The following METAP1D variants were observed in gnomAD, a reference collection of about 807,000 sequenced individuals.
METAP1D encodes methionyl aminopeptidase type 1D, mitochondrial, also known as methionine aminopeptidase 1D, mitochondrial.
METAP1D carries 31 observed loss-of-function variants against 40.5 expected under a neutral mutation model. The observed-to-expected ratio is 0.77, with a 90% CI of 0.58 to 1.03. The LOEUF is 1.03. METAP1D is among the 50% of genes least tolerant of loss of function. METAP1D has a pLI of 0.00. For synonymous variants in METAP1D, 151 were observed against 146.4 expected, an observed-to-expected ratio of 1.03 and a Z score of -0.22; for missense variants, 411 against 420.7, an observed-to-expected ratio of 0.98 and a Z score of 0.20.
rs189774169 is a variant in METAP1D at position 172,036,278 on chromosome 2, T to C, written c.41-25220T>C. The stretch of plus-strand genomic sequence containing the variant: ...CTTGCAGAGAGCCGAGATCGCGCCA[T>C]TGCACTCCAGCCTGGGCGACAGAGC... On this transcript the variant is annotated intron_variant, in intron 1 of 9. Transcript: ENST00000315796. Among the ~76,000 whole-genome samples the C allele has an allele frequency of 2.2e-3, 320 of 148,576 alleles. 1 individual carries two copies. Among genetic ancestry groups the C allele is most frequent in the Middle Eastern group, 3.5e-3 (1 of 286 alleles).
intron 1 of METAP1D, among the ~76,000 whole-genome samples, chr2:172,054,079 C>T (rs1689945383): frequency 6.6e-6 from 1 of 152,090 alleles, no homozygotes; most frequent in South Asian, 2.1e-4. Flanking sequence ...AGTAAAGGTG[C>T]ACATGAAAAC....
chr2:172,005,254 A>G (rs920488667), intron 1 of METAP1D, among the ~76,000 whole-genome samples: 1 of 151,756 alleles, frequency 6.6e-6, no homozygotes, highest in African/African-American at 2.4e-5. Context: ...ATTTTAGTGC[A>G]CCCATCACCC....
chr2:172,080,777 G>C lies in METAP1D; in HGVS notation c.*371G>C. 1 of 338,156 alleles carries C rather than the reference G, an allele frequency of 3.0e-6. No individual in the cohort carries two copies. Among genetic ancestry groups the C allele is most frequent in the Non-Finnish European group, 5.5e-6 (1 of 181,192 alleles). 20.9% of individuals were successfully genotyped at this position (338,156 alleles called of 1,614,324 possible). On this transcript the variant is annotated 3_prime_UTR_variant, in exon 10 of 10. Coordinates refer to ENST00000315796, the MANE Select transcript of METAP1D (RefSeq NM_199227.3). ...ACCTCTTAAATCCATTGTATCAGAG[G>C]TCCTTACCTCTCTGACAGTTACAGT...
At chr2:172,076,653 C>G (rs969176850) in intron 6 of METAP1D, among the ~76,000 whole-genome samples, 12 of 152,228 alleles carry the variant, frequency 7.9e-5, no homozygotes, top group Non-Finnish European at 1.5e-5. Flanking sequence ...AGCTGTCTTA[C>G]AAGTCTGGGG....
At position 172,070,911 on chromosome 2, in the gene METAP1D, A is replaced by G. The variant is rs1196822730; in HGVS notation, c.545A>G (p.Tyr182Cys). ...GDIINIDVTV[Y>C]YNGYHGDTSE... is the part of the protein sequence containing the mutation. ...TAAATTTCTGCTTATGTTTAGGTCT[A>G]TTACAATGGCTACCATGGAGACACC... Residue 182 changes from tyrosine to cysteine, a missense_variant, in exon 6 of 10, where the codon TAT becomes TGT. Physicochemically the swap from Tyr to Cys is radical, Grantham distance 194. Transcript: ENST00000315796. The G allele has an allele frequency of 6.2e-6, 10 of 1,608,344 alleles. No homozygotes were observed. Among genetic ancestry groups the G allele is most frequent in the South Asian group, 1.1e-5 (1 of 90,112 alleles).
At chr2:172,021,962 C>A (rs528984947) in intron 1 of METAP1D, 1 of 152,340 alleles carries the variant, frequency 6.6e-6, no homozygotes, top group South Asian at 2.1e-4. Context: ...GTTCTTTCAA[C>A]TTTGTAGTTT....
intron 1 of METAP1D, among the ~76,000 whole-genome samples, chr2:172,041,286 C>A (rs1689515636): frequency 6.6e-6 from 1 of 150,762 alleles, no homozygotes; most frequent in Non-Finnish European, 1.5e-5. Flanking sequence ...TGGTGAATCC[C>A]TGTCTCTACT....
At chr2:172,033,548 G>GTT (rs1246892811) in intron 1 of METAP1D, among the ~76,000 whole-genome samples, 1 of 151,804 alleles carries the variant, frequency 6.6e-6, no homozygotes, top group Non-Finnish European at 1.5e-5. Flanking sequence ...GAGAGGCAAG[G>GTT]TTTCACTACG....
At chr2:172,005,442 C>T (rs777979673) in intron 1 of METAP1D, among the ~76,000 whole-genome samples, 1 of 150,226 alleles carries the variant, frequency 6.7e-6, no homozygotes, top group Non-Finnish European at 1.5e-5. Flanking sequence ...TAATGGCCTC[C>T]AGTTCCATCC....
intron 1 of METAP1D, among the ~76,000 whole-genome samples, chr2:172,001,429 T>A (rs770045191): frequency 9.2e-5 from 14 of 152,018 alleles, no homozygotes; most frequent in Non-Finnish European, 1.6e-4. Flanking sequence ...TCCCAGCTAC[T>A]CGGGAGACTG....
At chr2:172,025,885 T>C (rs1437215539) in intron 1 of METAP1D, among the ~76,000 whole-genome samples, 1 of 152,210 alleles carries the variant, frequency 6.6e-6, no homozygotes, top group Non-Finnish European at 1.5e-5. Context: ...CAAGGTGATA[T>C]GTAGAAGCAA....
intron 1 of METAP1D, among the ~76,000 whole-genome samples, chr2:172,061,016 A>G (rs544404947): frequency 3.3e-5 from 5 of 152,348 alleles, no homozygotes; most frequent in Non-Finnish European, 4.4e-5. Flanking sequence ...AATGAATTTC[A>G]GTATAATGCC....
intron 1 of METAP1D, among the ~76,000 whole-genome samples, chr2:172,053,379 G>T (rs148350532): frequency 6.6e-6 from 1 of 152,304 alleles, no homozygotes; most frequent in African/African-American, 2.4e-5. Context: ...AGTTAAAAAT[G>T]TATCAGATTG....
At chr2:172,014,263 C>T (rs1409457334) in intron 1 of METAP1D, among the ~76,000 whole-genome samples, 1 of 152,028 alleles carries the variant, frequency 6.6e-6, no homozygotes, top group Non-Finnish European at 1.5e-5. Context: ...AGGCACCTGC[C>T]ACCATGCCTG....
rs115239483 is a variant in METAP1D at position 172,054,744 on chromosome 2, G to A, written c.41-6754G>A. Among the ~76,000 whole-genome samples the A allele has an allele frequency of 5.5e-3, 837 of 152,224 alleles. 5 individuals carry two copies. Among genetic ancestry groups the A allele is most frequent in the African/African-American group, 0.017 (687 of 41,534 alleles). ...TGTGCTGCAGGATCCAGAGGACATAGAGCAATTTCAAGAGATGTTCAGACT... is the reference window on the plus strand; with the variant it reads ...TGTGCTGCAGGATCCAGAGGACATAAAGCAATTTCAAGAGATGTTCAGACT... On this transcript the variant is annotated intron_variant, in intron 1 of 9. Transcript: ENST00000315796.
intron 1 of METAP1D, among the ~76,000 whole-genome samples, chr2:172,053,073 AAG>A (rs1261953324): frequency 5.2e-5 from 8 of 152,386 alleles, no homozygotes; most frequent in Admixed American, 1.3e-4. Flanking sequence ...AAATCAATAA[AAG>A]AGTTATATCA....
At chr2:172,022,209 G>T (rs1431618511) in intron 1 of METAP1D, among the ~76,000 whole-genome samples, 1 of 152,098 alleles carries the variant, frequency 6.6e-6, no homozygotes, top group Non-Finnish European at 1.5e-5. Context: ...TTCCCTTTAA[G>T]GGAATCTAAG....
chr2:172,006,476 C>G (rs796466867), intron 1 of METAP1D, among the ~76,000 whole-genome samples: 1 of 152,174 alleles, frequency 6.6e-6, no homozygotes, highest in East Asian at 1.9e-4. Context: ...AGCCACTGCG[C>G]CTGGCCAATA....
chr2:172,043,356 G>A (rs1559008967), intron 1 of METAP1D, among the ~76,000 whole-genome samples: 1 of 131,676 alleles, frequency 7.6e-6, no homozygotes, highest in African/African-American at 2.5e-5. Context: ...TGGAAGGAAG[G>A]AGGATAATAT....
Sources: gnomAD v4.1 joint callset for allele counts (sites outside exome capture counted in the v4.1 genomes callset) on GRCh38, gnomAD v4.1.1 for gene constraint, MANE v1.5 for transcripts, NCBI Gene and HGNC (gene_info 2026-07-23, HGNC 2026-07-21) for gene names.